LIN7A: variants seen among roughly 807,000 people sequenced by gnomAD.
LIN7A encodes lin-7 cell polarity scaffold A, also known as protein lin-7 homolog A.
A neutral mutation model predicts 29.8 loss-of-function variants in LIN7A; 25 were observed. The observed-to-expected ratio is 0.84, with a 90% CI of 0.61 to 1.17. The LOEUF (loss-of-function observed/expected upper bound fraction) is 1.17. Ranked by LOEUF, LIN7A falls within the 50% of genes most tolerant of loss-of-function variation. The pLI is 0.00. For synonymous variants in LIN7A, 118 were observed against 107.5 expected (o/e 1.10, Z -0.60); for missense variants, 239 against 287.0 (o/e 0.83, Z 1.21).
intron 1 of LIN7A, among the ~76,000 whole-genome samples, chr12:80,920,843 A>G (rs1432108847): frequency 6.6e-6 from 1 of 152,184 alleles, no homozygotes; most frequent in East Asian, 1.9e-4. Context: ...AAAAAACAGG[A>G]ATACCTTAAT....
intron 2 of LIN7A, among the ~76,000 whole-genome samples, chr12:80,862,411 C>T (rs184655234): frequency 4.5e-4 from 69 of 152,140 alleles, no homozygotes; most frequent in Admixed American, 2.6e-3. Context: ...AAATTCTGAA[C>T]CACTGTTTCT....
At chr12:80,910,181 G>A (rs936281160) in intron 1 of LIN7A, among the ~76,000 whole-genome samples, 10 of 151,942 alleles carry the variant, frequency 6.6e-5, no homozygotes, top group Non-Finnish European at 2.9e-5. Flanking sequence ...GTTTCTAATT[G>A]TTTATTGCTA....
At chr12:80,841,382 AGGAAGGAAGGAAGGAAGGAAGGAAGGAG>A (rs1346563588) in intron 4 of LIN7A, among the ~76,000 whole-genome samples, 14 of 146,602 alleles carry the variant, frequency 9.5e-5, no homozygotes, top group African/African-American at 2.9e-4. Context: ...GAAGGAAGGA[AGGAAGGAAGGAAGGAAGGAAGGAAGGAG>A]GGAAAGAAAG....
At chr12:80,851,599 G>A (rs1873336691) in intron 2 of LIN7A, among the ~76,000 whole-genome samples, 1 of 152,192 alleles carries the variant, frequency 6.6e-6, no homozygotes, top group South Asian at 2.1e-4. Context: ...TCTGAAGCAA[G>A]TTTTCATGGA....
intron 1 of LIN7A, among the ~76,000 whole-genome samples, chr12:80,914,455 A>G (rs1332134447): frequency 6.6e-6 from 1 of 152,126 alleles, no homozygotes; most frequent in Non-Finnish European, 1.5e-5. Flanking sequence ...CAATCCCGCA[A>G]CCAATTTTCA....
At chr12:80,845,468 G>T in intron 4 of LIN7A, 1 of 365,312 alleles carries the variant, frequency 2.7e-6, no homozygotes, top group Non-Finnish European at 4.8e-6. Flanking sequence ...GGAGTATTAT[G>T]GGAAGAAAGT....
chr12:80,904,200 C>T (rs1876362173), intron 1 of LIN7A, among the ~76,000 whole-genome samples: 2 of 151,950 alleles, frequency 1.3e-5, no homozygotes, highest in Non-Finnish European at 1.5e-5. Context: ...AAAAATTGCA[C>T]ACACATTATA....
intron 4 of LIN7A, among the ~76,000 whole-genome samples, chr12:80,838,842 C>T (rs1192471948): frequency 1.3e-5 from 2 of 152,138 alleles, no homozygotes; most frequent in East Asian, 3.9e-4. Flanking sequence ...AGCATCTGCT[C>T]CCCTCTAAGG....
chr12:80,874,421 T>C (rs1379167822), intron 2 of LIN7A, among the ~76,000 whole-genome samples: 1 of 152,224 alleles, frequency 6.6e-6, no homozygotes, highest in African/African-American at 2.4e-5. Flanking sequence ...ATGTCATAAC[T>C]GTTTTGATGA....
intron 2 of LIN7A, among the ~76,000 whole-genome samples, chr12:80,864,339 A>T (rs556414688): frequency 4.6e-4 from 70 of 152,124 alleles, no homozygotes; most frequent in Non-Finnish European, 9.3e-4. Context: ...AAAAAAAAGA[A>T]ATGAATCACT....
intron 2 of LIN7A, among the ~76,000 whole-genome samples, chr12:80,888,387 G>C (rs1875445661): frequency 6.6e-6 from 1 of 152,160 alleles, no homozygotes; most frequent in Non-Finnish European, 1.5e-5. Flanking sequence ...GCCACAAGAA[G>C]AGTTGTAAAG....
intron 4 of LIN7A, among the ~76,000 whole-genome samples, chr12:80,821,339 C>T (rs932783769): frequency 6.6e-6 from 1 of 152,106 alleles, no homozygotes; most frequent in Non-Finnish European, 1.5e-5. Flanking sequence ...ATAAGTCACC[C>T]AAGACACAAG....
In LIN7A at chr12:80,794,960, C is replaced by T. The variant is rs527568457; in HGVS notation, c.*2767G>A. The T allele has an allele frequency of 3.9e-4, 59 of 152,160 alleles. No homozygotes were observed. The highest frequency in any genetic ancestry group is 1.3e-3 in the African/African-American group (54 of 41,550). The allele number at this position is 152,160 out of a possible 1,614,324, so 9.4% of individuals were successfully genotyped here. A position where few individuals can be genotyped will look rare whatever the true frequency, so the allele number is the denominator to read the frequency against. ...AAAAGTTTAGAAAAATCTATCCCAC[C>T]GGCCACTGACCTAAAAAAGGGAAAA... On this transcript the variant is annotated 3_prime_UTR_variant, in exon 6 of 6. Transcript: ENST00000552864.
chr12:80,878,058 GTTTAT>G (rs768762621), intron 2 of LIN7A, among the ~76,000 whole-genome samples: 29 of 152,252 alleles, frequency 1.9e-4, no homozygotes, highest in South Asian at 1.2e-3. Context: ...AATACGCACT[GTTTAT>G]TTTATCATTT....
At chr12:80,878,438 G>A (rs533651242) in intron 2 of LIN7A, among the ~76,000 whole-genome samples, 1 of 152,184 alleles carries the variant, frequency 6.6e-6, no homozygotes, top group African/African-American at 2.4e-5. Flanking sequence ...AAGTGTGTCT[G>A]GAGTTTGTTC....
intron 1 of LIN7A, among the ~76,000 whole-genome samples, chr12:80,917,212 G>A (rs1015301453): frequency 6.6e-6 from 1 of 152,064 alleles, no homozygotes; most frequent in Non-Finnish European, 1.5e-5. Context: ...GCTTATAAAT[G>A]TGAAAAATTA....
At chr12:80,924,506 A>G (rs1877474310) in intron 1 of LIN7A, among the ~76,000 whole-genome samples, 1 of 152,220 alleles carries the variant, frequency 6.6e-6, no homozygotes, top group South Asian at 2.1e-4. Context: ...GCAACCTTAT[A>G]TGGCAGAGAC....
chr12:80,828,581 G>A (rs550985720), intron 4 of LIN7A, among the ~76,000 whole-genome samples: 5 of 152,166 alleles, frequency 3.3e-5, no homozygotes, highest in African/African-American at 1.2e-4. Flanking sequence ...TTTAAATGTA[G>A]CAAAATAGTG....
At chr12:80,809,123 C>A (rs940463644) in intron 5 of LIN7A, among the ~76,000 whole-genome samples, 1 of 151,876 alleles carries the variant, frequency 6.6e-6, no homozygotes, top group Non-Finnish European at 1.5e-5. Context: ...GTAGCTGGGG[C>A]TACAGGAGCT....
Sources: allele counts gnomAD v4.1 joint callset (sites outside exome capture counted in the v4.1 genomes callset), GRCh38; gene constraint gnomAD v4.1.1; transcripts MANE v1.5; gene names NCBI Gene and HGNC (gene_info 2026-07-23, HGNC 2026-07-21).